The following OTUD7A variants were observed in gnomAD, a reference collection of about 807,000 sequenced individuals.
OTUD7A encodes OTU deubiquitinase 7A, also known as OTU domain-containing protein 7A.
OTUD7A carries 12 observed loss-of-function variants against 65.7 expected under a neutral mutation model. That is an observed-to-expected ratio of 0.18 (90% CI 0.12 to 0.30). The LOEUF is 0.30. Among genes scored for constraint, OTUD7A ranks in the 10% least tolerant of loss-of-function variants. The probability of loss-of-function intolerance (pLI) is 1.00; values close to 1 mark genes in which losing one functional copy is unlikely to be tolerated. For missense variants in OTUD7A, 1,148 were observed against 1,304.8 expected (o/e 0.88, Z 1.85); for synonymous variants, 641 against 586.3 (o/e 1.09, Z -1.35).
intron 1 of OTUD7A, among the ~76,000 whole-genome samples, chr15:31,741,640 A>G (rs1894347547): frequency 6.6e-6 from 1 of 152,188 alleles, no homozygotes; most frequent in Non-Finnish European, 1.5e-5. Context: ...GAACTAAATC[A>G]TAAAATATTT....
At chr15:31,528,725 C>G (rs111396017) in intron 6 of OTUD7A, among the ~76,000 whole-genome samples, 4 of 152,364 alleles carry the variant, frequency 2.6e-5, no homozygotes, top group African/African-American at 9.6e-5. Flanking sequence ...AGGCCTGACT[C>G]CAAGATGACT....
chr15:31,522,561 A>G (rs1012572041), intron 8 of OTUD7A, among the ~76,000 whole-genome samples: 5 of 152,150 alleles, frequency 3.3e-5, no homozygotes, highest in Non-Finnish European at 7.4e-5. Context: ...ACCCTAATAC[A>G]TTATCTAATT....
chr15:31,641,370 A>C (rs4372658), intron 3 of OTUD7A, among the ~76,000 whole-genome samples: 3 of 152,012 alleles, frequency 2.0e-5, no homozygotes, highest in Non-Finnish European at 4.4e-5. Context: ...ATGTGAGAAC[A>C]AATATGCTTT....
chr15:31,804,275 A>G (rs999897102), intron 1 of OTUD7A, among the ~76,000 whole-genome samples: 9 of 152,186 alleles, frequency 5.9e-5, no homozygotes, highest in Admixed American at 5.9e-4. Flanking sequence ...ATTGCTACCA[A>G]CGTATGTCCA....
intron 1 of OTUD7A, among the ~76,000 whole-genome samples, chr15:31,796,896 G>A (rs1046865337): frequency 2.0e-5 from 3 of 152,234 alleles, no homozygotes; most frequent in Admixed American, 1.3e-4. Flanking sequence ...CACCATACCC[G>A]GCTGATTTTT....
chr15:31,598,982 TA>T (rs967058532), intron 3 of OTUD7A, among the ~76,000 whole-genome samples: 81 of 150,844 alleles, frequency 5.4e-4, no homozygotes, highest in South Asian at 1.3e-3. Context: ...AGGGCATCTC[TA>T]AAAAAAAAGG....
chr15:31,508,895 G>A (rs563331796), intron 8 of OTUD7A, among the ~76,000 whole-genome samples: 10 of 152,356 alleles, frequency 6.6e-5, no homozygotes, highest in Non-Finnish European at 1.5e-4. Flanking sequence ...GGCCTTCACC[G>A]CCCCTGCGCG....
intron 1 of OTUD7A, among the ~76,000 whole-genome samples, chr15:31,768,438 C>T (rs867426181): frequency 6.6e-6 from 1 of 152,122 alleles, no homozygotes; most frequent in African/African-American, 2.4e-5. Flanking sequence ...CCAGGTGGAT[C>T]GCTTGAGCTC....
intron 1 of OTUD7A, among the ~76,000 whole-genome samples, chr15:31,837,691 G>C (rs532716180): frequency 4.6e-5 from 7 of 152,310 alleles, no homozygotes; most frequent in Non-Finnish European, 1.0e-4. Flanking sequence ...TCATAGATTA[G>C]ATGACTCAAC....
intron 1 of OTUD7A, among the ~76,000 whole-genome samples, chr15:31,865,003 C>T (rs1167833927): frequency 6.8e-6 from 1 of 146,670 alleles, no homozygotes; most frequent in African/African-American, 2.5e-5. Flanking sequence ...CAGGATGGCC[C>T]AAGAGATATT....
Position 31,767,857 on chromosome 15 carries a change from C to G in OTUD7A, c.-100+102650G>C, listed in dbSNP as rs138980415. 9.3e-6 allele frequency: 10 copies of G among 1,078,404 alleles called. No individual in the cohort carries two copies. The African/African-American group carries it at 1.6e-4, about 17-fold the overall frequency. 66.8% of individuals were successfully genotyped at this position (1,078,404 alleles called of 1,614,324 possible). On this transcript the variant is annotated intron_variant, in intron 1 of 12. Transcript: ENST00000307050. ...TGCTGTTTTTTCTCAATTCTGGATGCCTTCGTGGTAGAGTTTTAAGTGGCA... is the reference window on the plus strand; with the variant it reads ...TGCTGTTTTTTCTCAATTCTGGATGGCTTCGTGGTAGAGTTTTAAGTGGCA...
intron 5 of OTUD7A, among the ~76,000 whole-genome samples, chr15:31,543,865 T>C (rs1413815274): frequency 6.6e-6 from 1 of 151,816 alleles, no homozygotes; most frequent in East Asian, 1.9e-4. Context: ...CCAATAAATG[T>C]ACAGAAGATG....
chr15:31,538,744 AAATG>A (rs1206049803), intron 5 of OTUD7A, among the ~76,000 whole-genome samples: 2 of 152,152 alleles, frequency 1.3e-5, no homozygotes, highest in Admixed American at 1.3e-4. Context: ...ACCCAAAACC[AAATG>A]AATGTCACCC....
chr15:31,649,831 T>C lies in OTUD7A; in HGVS notation c.151+5265A>G, dbSNP rs371725109. 5.5e-4 allele frequency: 218 copies of C among 396,644 alleles called. 1 individual carries two copies. Among genetic ancestry groups the C allele is most frequent in the South Asian group, 2.1e-3 (119 of 56,666 alleles). 24.6% of individuals were successfully genotyped at this position (396,644 alleles called of 1,614,324 possible). On this transcript the variant is annotated intron_variant, in intron 3 of 12. Transcript: ENST00000307050. ...GAAGGTGGATCACAGTTGGAGGTGC[T>C]GATGCAGAAAGGAGACCACAGTTGG...
chr15:31,787,090 T>C (rs1895694196), intron 1 of OTUD7A, among the ~76,000 whole-genome samples: 1 of 152,192 alleles, frequency 6.6e-6, no homozygotes, highest in African/African-American at 2.4e-5. Flanking sequence ...CAGACGAGGC[T>C]GTTTGAACCT....
intron 1 of OTUD7A, among the ~76,000 whole-genome samples, chr15:31,840,526 G>A (rs1023029722): frequency 3.3e-5 from 5 of 152,300 alleles, no homozygotes; most frequent in Non-Finnish European, 7.3e-5. Flanking sequence ...CTATTAGAAT[G>A]ATGAAAGGTA....
intron 1 of OTUD7A, among the ~76,000 whole-genome samples, chr15:31,837,727 A>G (rs925630250): frequency 6.6e-6 from 1 of 152,218 alleles, no homozygotes; most frequent in Non-Finnish European, 1.5e-5. Context: ...ATTATTTCCA[A>G]ATTCTTATCA....
chr15:31,690,728 A>G (rs991170956), intron 1 of OTUD7A, among the ~76,000 whole-genome samples: 5 of 152,234 alleles, frequency 3.3e-5, no homozygotes, highest in African/African-American at 1.2e-4. Flanking sequence ...GCATATCCAC[A>G]TGCAAAATAA....
chr15:31,742,691 T>C (rs1056360229), intron 1 of OTUD7A, among the ~76,000 whole-genome samples: 7 of 152,108 alleles, frequency 4.6e-5, no homozygotes, highest in South Asian at 4.1e-4. Flanking sequence ...AAGTCAGAGA[T>C]AGAAAAGCAA....
Sources: gnomAD v4.1 joint callset for allele counts (sites outside exome capture counted in the v4.1 genomes callset) on GRCh38, gnomAD v4.1.1 for gene constraint, MANE v1.5 for transcripts, NCBI Gene and HGNC (gene_info 2026-07-23, HGNC 2026-07-21) for gene names.